The following SYNM variants were observed in gnomAD, a reference collection of about 807,000 sequenced individuals.
SYNM encodes the protein desmuslin.
Under a neutral mutation model 104.0 loss-of-function variants are expected in SYNM, and 95 were observed. That is an observed-to-expected ratio of 0.91 (90% CI 0.77 to 1.08). SYNM has a LOEUF of 1.08. SYNM is among the 50% of genes least tolerant of loss of function. The pLI, the probability that SYNM is intolerant of heterozygous loss-of-function variation, is 0.00. For missense variants in SYNM, 2,150 were observed against 2,052.2 expected, an observed-to-expected ratio of 1.05 and a Z score of -0.92; for synonymous variants, 918 against 869.0, an observed-to-expected ratio of 1.06 and a Z score of -0.99.
chr15:99,126,874 G>T (rs187467770), intron 3 of SYNM, 82 bp downstream of exon 3: 18 of 1,241,828 alleles, frequency 1.4e-5, no homozygotes, highest in Non-Finnish European at 1.9e-5. Flanking sequence ...CACCATCATC[G>T]GGAAGAACGG....
At chr15:99,119,147 C>T (rs570714017) in intron 2 of SYNM, among the ~76,000 whole-genome samples, 227 of 152,292 alleles carry the variant, frequency 1.5e-3, no homozygotes, top group African/African-American at 5.2e-3. Context: ...GGAGGGACTG[C>T]ACCTGCGAAT....
At chr15:99,119,500 A>T (rs1555484317) in intron 2 of SYNM, among the ~76,000 whole-genome samples, 1 of 152,204 alleles carries the variant, frequency 6.6e-6, no homozygotes, top group Non-Finnish European at 1.5e-5. Flanking sequence ...TTGATGGAGG[A>T]GAGGGGAAGC....
In SYNM at chr15:99,105,176, C is replaced by G; in HGVS notation, c.-24C>G. 6.4e-7 allele frequency: 1 copy of G among 1,565,546 alleles called. No individual in the cohort carries two copies. The highest frequency in any genetic ancestry group is 2.3e-5 in the East Asian group (1 of 42,632). ...AGGGCAGGAGGGAGCCGGCCAGCCG[C>G]GAGAACCCCGCACGCCCGGCAAGAT... On this transcript the variant is annotated 5_prime_UTR_variant, in exon 1 of 4. Coordinates refer to ENST00000336292, the MANE Select transcript of SYNM (RefSeq NM_145728.3).
Position 99,131,225 on chromosome 15 carries a change from G to A in SYNM, c.2865G>A (p.Gln955=). The A allele has an allele frequency of 1.9e-6, 3 of 1,609,290 alleles. No individual in the cohort carries two copies. Among genetic ancestry groups the A allele is most frequent in the Non-Finnish European group, 2.5e-6 (3 of 1,178,016 alleles). The part of the protein sequence containing the change: ...PRQQLVEVIG[Q]LEETLPERMR... Reference sequence around the variant, plus strand: ...AGCAGCTGGTGGAGGTCATCGGGCAGCTGGAGGAAACCCTTCCCGAGCGCA... The same window carrying A: ...AGCAGCTGGTGGAGGTCATCGGGCAACTGGAGGAAACCCTTCCCGAGCGCA... Residue 955 remains glutamine (Q), a synonymous_variant, in exon 4 of 4, where the codon CAG becomes CAA. Transcript: ENST00000336292. The surrounding 1 kb of genome is among the most constrained non-coding windows in gnomAD (Gnocchi z 4.3).
In SYNM at chr15:99,132,422, C is replaced by T. The variant is rs782110308; in HGVS notation, c.4062C>T (p.Ala1354=). The change falls in exon 4 of 4, where the codon GCC becomes GCT. Residue 1354 remains alanine, a synonymous_variant. Transcript: ENST00000336292. The part of the protein sequence containing the change: ...HGEGSADVHQ[A]THSHTSGRQT... ...AGGGCTCAGCAGATGTGCACCAGGC[C>T]ACTCACAGTCATACCTCGGGTAGAC... The T allele has an allele frequency of 1.4e-5, 22 of 1,613,878 alleles. No individual in the cohort carries two copies. Among genetic ancestry groups the T allele is most frequent in the Non-Finnish European group, 1.7e-5 (20 of 1,179,896 alleles).
chr15:99,131,965 C>T lies in SYNM; in HGVS notation c.3605C>T (p.Ser1202Leu), dbSNP rs377416362. 24 of 1,613,796 alleles carry T rather than the reference C, an allele frequency of 1.5e-5. No homozygotes were observed. Among genetic ancestry groups the T allele is most frequent in the Non-Finnish European group, 1.9e-5 (23 of 1,179,900 alleles). ...PAPACPEAWGSPEPGPAESSA... is the reference protein window; with the variant it reads ...PAPACPEAWGLPEPGPAESSA... ...CCTGCCTGTCCAGAGGCATGGGGCT[C>T]GCCAGAACCTGGCCCAGCAGAGTCT... The change falls in exon 4 of 4, where the codon TCG becomes TTG. Residue 1202 changes from serine to leucine, a missense_variant. Physicochemically the swap from Ser to Leu is moderately radical, Grantham distance 145 (BLOSUM62 -2). Coordinates refer to ENST00000336292, the MANE Select transcript of SYNM (RefSeq NM_145728.3). The surrounding 1 kb of genome is among the most constrained non-coding windows in gnomAD (Gnocchi z 4.3).
At chr15:99,138,119 T>C (rs200499926), downstream of SYNM, 256 of 1,612,554 alleles carry the variant, frequency 1.6e-4, no homozygotes, top group African/African-American at 3.0e-3. Flanking sequence ...CGAAGCAACC[T>C]TGGGGGCCCT....
intron 2 of SYNM, among the ~76,000 whole-genome samples, chr15:99,119,289 G>T (rs2067378210): frequency 6.6e-6 from 1 of 152,206 alleles, no homozygotes; most frequent in Non-Finnish European, 1.5e-5. Flanking sequence ...AGCTCACAGG[G>T]CGGCAGCATG....
In SYNM at chr15:99,132,278, A is replaced by G. The variant is rs782591572; in HGVS notation, c.3918A>G (p.Thr1306=). The stretch of plus-strand genomic sequence containing the variant: ...TGGAAGGGTTGCCAGGGAGCAGCAC[A>G]TCCATCAGGCACATCAGCATTGGGC... ...VHMEGLPGSS[T]SIRHISIGPQ... is the part of the protein sequence containing the mutation. Residue 1306 remains threonine (T), a synonymous_variant, in exon 4 of 4, where the codon ACA becomes ACG. Transcript: ENST00000336292. The G allele has an allele frequency of 1.5e-5, 24 of 1,608,150 alleles. No individual in the cohort carries two copies. In the Admixed American group the frequency reaches 2.5e-4, roughly 17 times the overall value.
At chr15:99,127,459 A>C (rs1367537696) in intron 3 of SYNM, among the ~76,000 whole-genome samples, 1 of 152,222 alleles carries the variant, frequency 6.6e-6, no homozygotes, top group Non-Finnish European at 1.5e-5. Context: ...AGAATCTTGA[A>C]GAGCTCTGGC....
At chr15:99,138,369 A>C (rs2067793077), downstream of SYNM, among the ~76,000 whole-genome samples, 1 of 151,002 alleles carries the variant, frequency 6.6e-6, no homozygotes, top group Non-Finnish European at 1.5e-5. Context: ...GCTGGAGTGC[A>C]GTGGCCCCAT....
At chr15:99,113,835 G>T in intron 2 of SYNM, 120 bp downstream of exon 2, 1 of 1,442,556 alleles carries the variant, frequency 6.9e-7, no homozygotes, top group Non-Finnish European at 9.2e-7. Flanking sequence ...GACAAGCAGA[G>T]AGCAGCCCTT....
Position 99,121,052 on chromosome 15 carries a change from G to A in SYNM, c.936-5670G>A, listed in dbSNP as rs782675622. On this transcript the variant is annotated intron_variant, in intron 2 of 3. Coordinates refer to ENST00000336292, the MANE Select transcript of SYNM (RefSeq NM_145728.3). ...AAGGGATGTGGGGTTTGGGCCTTTG[G>A]GTGGTGGGGGAAGTGGGGAGATGGG... Among the ~76,000 whole-genome samples, 56 of 152,268 alleles carry A rather than the reference G, an allele frequency of 3.7e-4. 1 individual carries two copies. Among genetic ancestry groups the A allele is most frequent in the Admixed American group, 2.4e-3 (37 of 15,302 alleles).
At chr15:99,137,585 A>G (rs1362583215), downstream of SYNM, 1 of 156,142 alleles carries the variant, frequency 6.4e-6, no homozygotes, top group Non-Finnish European at 1.4e-5. Flanking sequence ...GTTATTCTCA[A>G]TCCCTATTAG....
chr15:99,138,968 T>G (rs1207496889), downstream of SYNM, among the ~76,000 whole-genome samples: 7 of 152,226 alleles, frequency 4.6e-5, no homozygotes, highest in Admixed American at 3.3e-4. Flanking sequence ...GCTCCAGTCC[T>G]GACGGGCATC....
intron 3 of SYNM, among the ~76,000 whole-genome samples, chr15:99,128,277 G>A (rs1555485253): frequency 6.6e-6 from 1 of 152,168 alleles, no homozygotes; most frequent in Non-Finnish European, 1.5e-5. Context: ...ATAAAATAAT[G>A]TTGGCCGCTT....
chr15:99,117,826 G>A (rs1294983671), intron 2 of SYNM, among the ~76,000 whole-genome samples: 1 of 151,744 alleles, frequency 6.6e-6, no homozygotes, highest in Non-Finnish European at 1.5e-5. Context: ...CATCGATCGC[G>A]AGCCGTTTCT....
At chr15:99,117,551 A>G (rs2151802638) in intron 2 of SYNM, among the ~76,000 whole-genome samples, 1 of 152,334 alleles carries the variant, frequency 6.6e-6, no homozygotes, top group African/African-American at 2.4e-5. Context: ...TTTTCCCTGC[A>G]GGGCAGTTGG....
At chr15:99,116,156 T>A (rs1309564177) in intron 2 of SYNM, among the ~76,000 whole-genome samples, 4 of 152,238 alleles carry the variant, frequency 2.6e-5, no homozygotes, top group Admixed American at 1.3e-4. Context: ...TGGCCGGGGC[T>A]CAGAGAAAGG....
Sources: allele counts gnomAD v4.1 joint callset (sites outside exome capture counted in the v4.1 genomes callset), GRCh38; gene constraint gnomAD v4.1.1; non-coding constraint Gnocchi (gnomAD v3.1); transcripts MANE v1.5; gene names NCBI Gene and HGNC (gene_info 2026-07-23, HGNC 2026-07-21).